The following TIAM2 variants were observed in gnomAD, a reference collection of about 807,000 sequenced individuals.
TIAM2 encodes TIAM Rac1 associated GEF 2, also known as rho guanine nucleotide exchange factor TIAM2.
In TIAM2, 80 loss-of-function variants were observed where a neutral mutation model predicts 152.9. The observed-to-expected ratio is 0.52, with a 90% CI of 0.44 to 0.63. The LOEUF (loss-of-function observed/expected upper bound fraction) is 0.63, where lower values mean the gene tolerates loss of function less well. Ranked by LOEUF, TIAM2 falls within the 30% of genes least tolerant of loss-of-function variation. The pLI is 0.00. For missense variants in TIAM2, 1,965 were observed against 2,120.1 expected, an observed-to-expected ratio of 0.93 and a Z score of 1.44; for synonymous variants, 804 against 838.0, an observed-to-expected ratio of 0.96 and a Z score of 0.70.
intron 7 of TIAM2, among the ~76,000 whole-genome samples, chr6:155,163,011 G>T (rs1241067467): frequency 6.6e-6 from 1 of 152,170 alleles, no homozygotes; most frequent in African/African-American, 2.4e-5. Flanking sequence ...AAGGTCTGGG[G>T]AATGCCCAGA....
At position 155,174,138 on chromosome 6, in the gene TIAM2, G is replaced by A. The variant is rs1780703650; in HGVS notation, c.2362-2678G>A. On this transcript the variant is annotated intron_variant, in intron 9 of 26. Transcript: ENST00000682666. This position sits in a 1 kb window ranked among gnomAD's most constrained non-coding sequence, Gnocchi z 4.2. ...GTTAACTGCCAGGCGGGCATTCTGT[G>A]TAGTATAGTGGTGGTGTGAACCAGC... Among the ~76,000 whole-genome samples the A allele has an allele frequency of 6.6e-6, 1 of 152,230 alleles. No individual in the cohort carries two copies. The highest frequency in any genetic ancestry group is 2.1e-4 in the South Asian group (1 of 4,832).
chr6:155,211,766 T>C (rs752080074), intron 15 of TIAM2, among the ~76,000 whole-genome samples: 21 of 152,198 alleles, frequency 1.4e-4, no homozygotes, highest in Non-Finnish European at 2.2e-4. Context: ...AGTGTATGCC[T>C]CTCTGTGGCA....
intron 1 of TIAM2, among the ~76,000 whole-genome samples, chr6:155,015,952 A>G (rs1004886891): frequency 2.7e-5 from 4 of 150,344 alleles, no homozygotes; most frequent in African/African-American, 9.7e-5. Context: ...ACCAAAAAAA[A>G]AAAAAAAAAA....
rs1453427992 is a variant in TIAM2, at chr6:155,029,071, ATATATAC to A, written c.-209+33581_-209+33587del. On this transcript the variant is annotated intron_variant, in intron 1 of 26. Coordinates refer to ENST00000682666, the MANE Select transcript of TIAM2 (RefSeq NM_012454.4). ...ATGTTATATATACACTGTATATACTATATATACTGTTATATATACACTGTATATACTA... is the reference window on the plus strand; with the variant it reads ...ATGTTATATATACACTGTATATACTATGTTATATATACACTGTATATACTA... Among the ~76,000 whole-genome samples the A allele has an allele frequency of 7.7e-4, 86 of 111,656 alleles. 15 individuals carry two copies. The highest frequency in any genetic ancestry group is 3.3e-3 in the African/African-American group (81 of 24,522). 73.3% of individuals were successfully genotyped at this position (111,656 alleles called of 152,430 possible).
chr6:155,000,753 C>T (rs1583144089), intron 1 of TIAM2, among the ~76,000 whole-genome samples: 1 of 152,044 alleles, frequency 6.6e-6, no homozygotes. Context: ...GGGAGGCCGA[C>T]GCTGGGGATC....
chr6:155,032,847 TTTC>T (rs1180760340), intron 1 of TIAM2, among the ~76,000 whole-genome samples: 4 of 152,198 alleles, frequency 2.6e-5, no homozygotes, highest in Non-Finnish European at 4.4e-5. Context: ...GGCCTGTTTT[TTTC>T]TTCTTTTGAA....
intron 1 of TIAM2, among the ~76,000 whole-genome samples, chr6:155,045,758 G>T (rs1254712079): frequency 6.7e-6 from 1 of 150,016 alleles, no homozygotes; most frequent in Non-Finnish European, 1.5e-5. Flanking sequence ...GTGGGGAGCC[G>T]CCCTTTGTGT....
At chr6:155,047,667 GGAGAGA>G (rs143874214) in intron 1 of TIAM2, among the ~76,000 whole-genome samples, 1 of 73,370 alleles carries the variant, frequency 1.4e-5, no homozygotes, top group African/African-American at 5.3e-5. Flanking sequence ...GAGAGAGAGA[GGAGAGA>G]GAGAGAGAGA....
chr6:155,025,855 CACACACACACACACACACACAG>C (rs1776591359), intron 1 of TIAM2, among the ~76,000 whole-genome samples: 1 of 124,638 alleles, frequency 8.0e-6, no homozygotes, highest in African/African-American at 3.0e-5. Context: ...CACACACACA[CACACACACACACACACACACAG>C]AAAAGAAAGA....
Position 155,148,264 on chromosome 6 carries a change from T to A in TIAM2, c.1958T>A (p.Met653Lys). The change falls in exon 7 of 27, where the codon ATG (methionine) becomes AAG (lysine). Residue 653 changes from methionine (M) to lysine (K), a missense_variant. Physicochemically the swap from Met to Lys is moderately conservative, Grantham distance 95 (BLOSUM62 -1). Around this residue, in one of 3 missense-constraint regions of TIAM2, gnomAD observed 1,025 missense variants for 1,119.4 expected, o/e 0.92. Transcript: ENST00000682666. ...LLQKIDMDSK[M>K]KKMAELQLSV... ...CAGAAGATAGACATGGACAGCAAGATGAAGAAGATGGCAGAGCTGCAGCTG... is the reference window on the plus strand; with the variant it reads ...CAGAAGATAGACATGGACAGCAAGAAGAAGAAGATGGCAGAGCTGCAGCTG... The A allele has an allele frequency of 6.2e-7, 1 of 1,612,564 alleles. No individual in the cohort carries two copies. Among genetic ancestry groups the A allele is most frequent in the South Asian group, 1.1e-5 (1 of 91,006 alleles).
intron 2 of TIAM2, among the ~76,000 whole-genome samples, chr6:155,098,184 A>G (rs1778461314): frequency 6.6e-6 from 1 of 151,560 alleles, no homozygotes; most frequent in Admixed American, 6.7e-5. Flanking sequence ...AAAGTTTAGA[A>G]CACCTTTTTT....
intron 2 of TIAM2, among the ~76,000 whole-genome samples, chr6:155,119,260 C>G (rs565351162): frequency 6.6e-6 from 1 of 152,122 alleles, no homozygotes; most frequent in African/African-American, 2.4e-5. Flanking sequence ...GTCTCAGACT[C>G]CTGACTTCAT....
chr6:155,250,015 G>A (rs748211542), intron 21 of TIAM2, 46 bp downstream of exon 21: 36 of 1,455,708 alleles, frequency 2.5e-5, no homozygotes, highest in Non-Finnish European at 3.2e-5. Context: ...ATGTGGTGTG[G>A]GGTCTGTAGG....
chr6:155,119,583 C>T (rs1779104837), intron 2 of TIAM2, among the ~76,000 whole-genome samples: 1 of 152,188 alleles, frequency 6.6e-6, no homozygotes, highest in African/African-American at 2.4e-5. Flanking sequence ...AAGTGATCTG[C>T]CTGCCTTGGC....
intron 9 of TIAM2, among the ~76,000 whole-genome samples, chr6:155,171,289 A>C (rs1393149574): frequency 6.6e-6 from 1 of 152,242 alleles, no homozygotes; most frequent in Non-Finnish European, 1.5e-5. Context: ...TGGCTTGCCA[A>C]AAATGAAAGC....
At chr6:155,254,103 A>G (rs1448591080) in intron 25 of TIAM2, 43 bp downstream of exon 25, 6 of 1,577,004 alleles carry the variant, frequency 3.8e-6, no homozygotes, top group Non-Finnish European at 5.2e-6. Context: ...GAAATAACAT[A>G]GAATTATGTC....
rs947432848 is a variant in TIAM2 at position 155,174,112 on chromosome 6, A to C, written c.2362-2704A>C. Among the ~76,000 whole-genome samples the C allele has an allele frequency of 3.3e-5, 5 of 152,190 alleles. No individual in the cohort carries two copies. Among genetic ancestry groups the C allele is most frequent in the African/African-American group, 1.2e-4 (5 of 41,432 alleles). ...GGTTGCACCCATTTTATATAAAGGG[A>C]GTTAACTGCCAGGCGGGCATTCTGT... On this transcript the variant is annotated intron_variant, in intron 9 of 26. Transcript: ENST00000682666. The surrounding 1 kb of genome is among the most constrained non-coding windows in gnomAD (Gnocchi z 4.2).
chr6:155,181,992 A>C (rs180994056), intron 12 of TIAM2, among the ~76,000 whole-genome samples: 1 of 152,214 alleles, frequency 6.6e-6, no homozygotes, highest in Non-Finnish European at 1.5e-5. Flanking sequence ...GTGTGGGTGC[A>C]TGGTCTCACC....
In TIAM2 at chr6:155,245,355, GTA is replaced by G. The variant is rs1293477656; in HGVS notation, c.3544-266_3544-265del. Among the ~76,000 whole-genome samples the G allele has an allele frequency of 4.6e-5, 7 of 152,336 alleles. No individual in the cohort carries two copies. The East Asian group carries it at 1.3e-3, about 29-fold the overall frequency. On this transcript the variant is annotated intron_variant, in intron 18 of 26. Coordinates refer to ENST00000682666, the MANE Select transcript of TIAM2 (RefSeq NM_012454.4). ...TTGTTTATATCCCACCTTGTCAGCT[GTA>G]TTTTTGTAGAACTTTCTTTGTTTCT...
Sources: gnomAD v4.1 joint callset for allele counts (sites outside exome capture counted in the v4.1 genomes callset) on GRCh38, gnomAD v4.1.1 for gene constraint, gnomAD v4.1.1 regional missense constraint, Gnocchi (gnomAD v3.1) non-coding constraint, MANE v1.5 for transcripts, NCBI Gene and HGNC (gene_info 2026-07-23, HGNC 2026-07-21) for gene names.